The following ZNF618 variants were observed in gnomAD, a reference collection of about 807,000 sequenced individuals.
ZNF618 encodes the protein neural precursor cell expressed, developmentally down-regulated 10.
Under a neutral mutation model 103.0 loss-of-function variants are expected in ZNF618, and 34 were observed. The ratio of observed to expected loss-of-function variants is 0.33; its 90% CI spans 0.25 to 0.44. The LOEUF (loss-of-function observed/expected upper bound fraction) is 0.44. Ranked by LOEUF, ZNF618 falls within the 20% of genes least tolerant of loss-of-function variation. The pLI is 1.00. For missense variants in ZNF618, 1,059 were observed against 1,295.4 expected, an observed-to-expected ratio of 0.82 and a Z score of 2.80; for synonymous variants, 551 against 542.2, an observed-to-expected ratio of 1.02 and a Z score of -0.23.
intron 1 of ZNF618, among the ~76,000 whole-genome samples, chr9:113,882,702 T>C (rs1199695209): frequency 6.6e-6 from 1 of 152,210 alleles, no homozygotes; most frequent in African/African-American, 2.4e-5. Context: ...TCTGGATTTG[T>C]TTCTGAGCCT....
intron 1 of ZNF618, among the ~76,000 whole-genome samples, chr9:113,910,951 C>G (rs950681928): frequency 4.6e-5 from 7 of 152,044 alleles, no homozygotes; most frequent in Non-Finnish European, 8.8e-5. Context: ...CTGCCTCAGC[C>G]CCCTGAGTAG....
intron 11 of ZNF618, among the ~76,000 whole-genome samples, 182 bp downstream of exon 11, chr9:114,029,154 T>G (rs1769088537): frequency 6.6e-6 from 1 of 152,144 alleles, no homozygotes; most frequent in African/African-American, 2.4e-5. Context: ...ACAAGCCACC[T>G]CACATTTCTG....
In ZNF618 at chr9:114,002,617, T is replaced by TC; in HGVS notation, c.512-7_512-6insC. 2.5e-6 allele frequency: 4 copies of TC among 1,610,194 alleles called. No homozygotes were observed. Among genetic ancestry groups the TC allele is most frequent in the Non-Finnish European group, 3.4e-6 (4 of 1,179,578 alleles). ...CCACCCCCATCCCTCTCTCTCTCTC[T>TC]TTGCAGACACCGAAGCCACCTCAGG... On this transcript the variant is annotated splice_polypyrimidine_tract_variant and splice_region_variant and intron_variant, in intron 5 of 14. Transcript: ENST00000374126.
chr9:113,938,667 C>G (rs1317017091), intron 1 of ZNF618, among the ~76,000 whole-genome samples: 1 of 148,948 alleles, frequency 6.7e-6, no homozygotes, highest in Non-Finnish European at 1.5e-5. Context: ...CTTCTGGGTT[C>G]AAGCTATTCT....
intron 3 of ZNF618, among the ~76,000 whole-genome samples, chr9:113,996,971 C>A (rs937551931): frequency 6.6e-6 from 1 of 152,148 alleles, no homozygotes; most frequent in South Asian, 2.1e-4. Context: ...CTCATCCTTG[C>A]GACGGATGTT....
Position 113,953,802 on chromosome 9 carries a change from G to A in ZNF618, c.34-15315G>A, listed in dbSNP as rs59335373. Among the ~76,000 whole-genome samples the A allele has an allele frequency of 9.6e-3, 1,455 of 151,654 alleles. 36 individuals carry two copies. The highest frequency in any genetic ancestry group is 0.033 in the African/African-American group (1,372 of 41,312). ...CTCTCTGTGCTGGGCTGTCTGGTGG[G>A]CACTGGGGAATCCAGAGGCACAGCC... On this transcript the variant is annotated intron_variant, in intron 1 of 14. Coordinates refer to ENST00000374126, the MANE Select transcript of ZNF618 (RefSeq NM_001318042.2).
chr9:113,960,639 G>A (rs1316553113), intron 1 of ZNF618, among the ~76,000 whole-genome samples: 1 of 152,232 alleles, frequency 6.6e-6, no homozygotes, highest in Non-Finnish European at 1.5e-5. Flanking sequence ...CGTAAAGAAA[G>A]TGGTCATTTT....
chr9:114,039,356 T>TTTC (rs1554766024), intron 13 of ZNF618, among the ~76,000 whole-genome samples: 5 of 144,306 alleles, frequency 3.5e-5, no homozygotes, highest in Admixed American at 6.9e-5. Flanking sequence ...TTTTTTTTTT[T>TTTC]TTTCCTTTGA....
intron 1 of ZNF618, among the ~76,000 whole-genome samples, chr9:113,914,462 G>A (rs1831875551): frequency 1.3e-5 from 2 of 152,170 alleles, no homozygotes; most frequent in Non-Finnish European, 2.9e-5. Flanking sequence ...CATTGGGTGG[G>A]ACTTTAAAGT....
rs776729997 is a variant in ZNF618 at position 113,988,326 on chromosome 9, G to A, written c.83G>A (p.Arg28His). The change falls in exon 3 of 15, where the codon CGC becomes CAC. Residue 28 changes from arginine to histidine, a missense_variant. Arg to His is a conservative substitution (Grantham distance 29). Around this residue, in one of 6 missense-constraint regions of ZNF618, gnomAD observed 194 missense variants for 209.0 expected, o/e 0.93. Transcript: ENST00000374126. ...AGRKSTASRERLKRSQKSTKV... is the reference protein window; with the variant it reads ...AGRKSTASREHLKRSQKSTKV... Reference sequence around the variant, plus strand: ...CGGAGTTTCTTCTTTCCCAGGGAGCGCTTGAAGCGCAGCCAGAAGAGCACC... The same window carrying A: ...CGGAGTTTCTTCTTTCCCAGGGAGCACTTGAAGCGCAGCCAGAAGAGCACC... 79 of 1,611,246 alleles carry A rather than the reference G, an allele frequency of 4.9e-5. 1 individual carries two copies. The highest frequency in any genetic ancestry group is 1.7e-5 in the Admixed American group (1 of 59,910).
At chr9:114,035,372 G>A in intron 12 of ZNF618, 1 of 518,840 alleles carries the variant, frequency 1.9e-6, no homozygotes, top group African/African-American at 2.1e-5. Flanking sequence ...CCCGGCAGCT[G>A]GTGGAGGCAG....
intron 11 of ZNF618, among the ~76,000 whole-genome samples, chr9:114,031,141 C>T (rs1843991114): frequency 6.6e-6 from 1 of 152,052 alleles, no homozygotes; most frequent in Admixed American, 6.5e-5. Context: ...GCAGCCCTCA[C>T]AGGGCTTTTG....
At chr9:113,912,101 G>A (rs373709461) in intron 1 of ZNF618, among the ~76,000 whole-genome samples, 8 of 152,280 alleles carry the variant, frequency 5.3e-5, no homozygotes, top group South Asian at 2.1e-4. Context: ...TACTGCCACC[G>A]ACCACACTTT....
chr9:114,049,060 G>A lies in ZNF618; in HGVS notation c.1758G>A (p.Ala586=), dbSNP rs201251335. 1.8e-4 allele frequency: 283 copies of A among 1,613,892 alleles called. No individual in the cohort carries two copies. The highest frequency in any genetic ancestry group is 1.5e-3 in the African/African-American group (111 of 75,078). Residue 586 remains alanine (A), a synonymous_variant, in exon 15 of 15, where the codon GCG becomes GCA. Transcript: ENST00000374126. ...IKSYVLGVKG[A]DIRDSGDLVH... Reference sequence around the variant, plus strand: ...GCTATGTGCTTGGTGTGAAGGGTGCGGACATTCGCGACAGCGGTGACCTTG... The same window carrying A: ...GCTATGTGCTTGGTGTGAAGGGTGCAGACATTCGCGACAGCGGTGACCTTG...
intron 1 of ZNF618, among the ~76,000 whole-genome samples, chr9:113,890,155 T>C (rs1829481687): frequency 6.6e-6 from 1 of 152,156 alleles, no homozygotes; most frequent in Non-Finnish European, 1.5e-5. Flanking sequence ...GTTCTCCACT[T>C]CCATTTTTTT....
intron 1 of ZNF618, among the ~76,000 whole-genome samples, chr9:113,951,560 T>C (rs1835748641): frequency 4.1e-5 from 2 of 48,978 alleles, no homozygotes; most frequent in African/African-American, 5.2e-5. Flanking sequence ...TATGTGTGTG[T>C]ATATGTGTGT....
intron 2 of ZNF618, among the ~76,000 whole-genome samples, chr9:113,980,236 G>A (rs1184836029): frequency 1.3e-5 from 2 of 152,170 alleles, no homozygotes; most frequent in Admixed American, 1.3e-4. Context: ...CCAGAAGAGT[G>A]CTGGGCTAGG....
rs1301306957 is a variant in ZNF618, at chr9:113,951,447, A to ATG, written c.34-17666_34-17665dup. On this transcript the variant is annotated intron_variant, in intron 1 of 14. Transcript: ENST00000374126. ...TGTGTGTGTGTATATATATACATAT[A>ATG]TGTGTATATATACATATATGTGTGT... 3.2e-4 allele frequency among the ~76,000 whole-genome samples: 21 copies of ATG among 65,946 alleles called. 3 individuals carry two copies. Among genetic ancestry groups the ATG allele is most frequent in the South Asian group, 8.7e-4 (2 of 2,304 alleles). 43.3% of individuals were successfully genotyped at this position (65,946 alleles called of 152,430 possible).
chr9:113,920,069 A>G (rs1015362550), intron 1 of ZNF618, among the ~76,000 whole-genome samples: 10 of 152,170 alleles, frequency 6.6e-5, no homozygotes, highest in African/African-American at 9.7e-5. Context: ...CAGGGCCTCT[A>G]TAGCTCCTGG....
Sources: gnomAD v4.1 joint callset for allele counts (sites outside exome capture counted in the v4.1 genomes callset) on GRCh38, gnomAD v4.1.1 for gene constraint, gnomAD v4.1.1 regional missense constraint, MANE v1.5 for transcripts, NCBI Gene and HGNC (gene_info 2026-07-23, HGNC 2026-07-21) for gene names.